The following PRKN variants were observed in gnomAD, a reference collection of about 807,000 sequenced individuals.
PRKN encodes the protein E3 ubiquitin-protein ligase parkin.
A neutral mutation model predicts 59.5 loss-of-function variants in PRKN; 56 were observed. That is an observed-to-expected ratio of 0.94 (90% CI 0.76 to 1.18). PRKN has a LOEUF of 1.18. Among genes scored for constraint, PRKN ranks in the 50% most tolerant of loss-of-function variants. The pLI, the probability that PRKN is intolerant of heterozygous loss-of-function variation, is 0.00. For synonymous variants in PRKN, 250 were observed against 222.1 expected (o/e 1.13, Z -1.12); for missense variants, 657 against 596.4 (o/e 1.10, Z -1.06).
chr6:161,500,864 G>GT (rs373088841), intron 9 of PRKN, among the ~76,000 whole-genome samples: 44 of 132,518 alleles, frequency 3.3e-4, no homozygotes, highest in East Asian at 4.3e-4. Context: ...GTTTAGTTTA[G>GT]TTTTTTTTTT....
intron 3 of PRKN, among the ~76,000 whole-genome samples, chr6:162,247,898 G>A (rs180874881): frequency 6.3e-4 from 96 of 152,190 alleles, no homozygotes; most frequent in Non-Finnish European, 1.2e-3. Context: ...AGGCACCTAG[G>A]ATTTTATTAT....
intron 4 of PRKN, among the ~76,000 whole-genome samples, chr6:162,158,557 G>C (rs1393791082): frequency 6.6e-6 from 1 of 151,808 alleles, no homozygotes; most frequent in East Asian, 1.9e-4. Context: ...TCATCCTCCA[G>C]AGTAGCTGGG....
chr6:162,532,168 C>CAAATAATACAA (rs1778541253), intron 1 of PRKN, among the ~76,000 whole-genome samples: 4 of 53,782 alleles, frequency 7.4e-5, no homozygotes, highest in South Asian at 6.8e-4. Flanking sequence ...CTCCTCTCTC[C>CAAATAATACAA]AGATAGCACA....
intron 6 of PRKN, among the ~76,000 whole-genome samples, chr6:161,947,106 A>T (rs1779811008): frequency 6.6e-6 from 1 of 152,156 alleles, no homozygotes; most frequent in African/African-American, 2.4e-5. Flanking sequence ...TTATGTGTAG[A>T]TGTATGTATA....
intron 2 of PRKN, among the ~76,000 whole-genome samples, chr6:162,382,916 TCTCA>T (rs1786571556): frequency 6.6e-6 from 1 of 152,218 alleles, no homozygotes; most frequent in African/African-American, 2.4e-5. Flanking sequence ...GCACATTCCA[TCTCA>T]ATAAACTGCT....
At chr6:162,022,581 C>T (rs1191103128) in intron 5 of PRKN, among the ~76,000 whole-genome samples, 2 of 152,096 alleles carry the variant, frequency 1.3e-5, no homozygotes, top group African/African-American at 2.4e-5. Context: ...AGTCTTTTAT[C>T]CAATGCATAC....
In PRKN at chr6:161,544,745, A is replaced by G. The variant is rs987033536; in HGVS notation, c.1083+4109T>C. 3.3e-5 allele frequency among the ~76,000 whole-genome samples: 5 copies of G among 152,222 alleles called. No individual in the cohort carries two copies. The highest frequency in any genetic ancestry group is 5.9e-5 in the Non-Finnish European group (4 of 68,034). On this transcript the variant is annotated intron_variant, in intron 9 of 11. Coordinates refer to ENST00000366898, the MANE Select transcript of PRKN (RefSeq NM_004562.3). This position sits in a 1 kb window ranked among gnomAD's most constrained non-coding sequence, Gnocchi z 5.5. Reference sequence around the variant, plus strand: ...TCAGGCCTTTCCTAGGTGGACTGACATCATCACTTAAATGGAAATCCCTGT... The same window carrying G: ...TCAGGCCTTTCCTAGGTGGACTGACGTCATCACTTAAATGGAAATCCCTGT...
At chr6:161,681,873 G>A (rs886566866) in intron 7 of PRKN, among the ~76,000 whole-genome samples, 3 of 152,360 alleles carry the variant, frequency 2.0e-5, no homozygotes, top group Non-Finnish European at 2.9e-5. Context: ...AGGGCATAGA[G>A]CCCTTTGTAC....
intron 5 of PRKN, among the ~76,000 whole-genome samples, chr6:162,000,382 A>C (rs1782007063): frequency 6.6e-6 from 1 of 151,942 alleles, no homozygotes; most frequent in Admixed American, 6.6e-5. Context: ...TGTTTTTTTA[A>C]ATTTTAATTT....
chr6:162,139,694 A>G (rs1268553874), intron 4 of PRKN, among the ~76,000 whole-genome samples: 1 of 152,198 alleles, frequency 6.6e-6, no homozygotes, highest in Admixed American at 6.5e-5. Flanking sequence ...CATAAAGCAG[A>G]AACGTACATC....
intron 1 of PRKN, among the ~76,000 whole-genome samples, 200 bp downstream of exon 1, chr6:162,727,462 C>A (rs958213340): frequency 6.6e-6 from 1 of 151,984 alleles, no homozygotes; most frequent in Non-Finnish European, 1.5e-5. Flanking sequence ...CAGGCGAGGG[C>A]TTCGAACGCA....
chr6:162,494,398 C>T (rs1442704898), intron 1 of PRKN, among the ~76,000 whole-genome samples: 3 of 151,494 alleles, frequency 2.0e-5, no homozygotes, highest in Non-Finnish European at 4.4e-5. Context: ...GAGGCAACAA[C>T]AGTGACACAA....
chr6:161,881,194 C>A (rs924610826), intron 6 of PRKN, among the ~76,000 whole-genome samples: 9 of 152,150 alleles, frequency 5.9e-5, no homozygotes, highest in African/African-American at 2.2e-4. Flanking sequence ...TGGAGGGACA[C>A]ATGTCATCCT....
Position 162,268,997 on chromosome 6 carries a change from C to T in PRKN, c.172-6232G>A, listed in dbSNP as rs1780255528. ...GTCCAGTGTGATTTTAAAGAGGAAACAAAACAAAACAAACAAAAAGGATGA... is the reference window on the plus strand; with the variant it reads ...GTCCAGTGTGATTTTAAAGAGGAAATAAAACAAAACAAACAAAAAGGATGA... On this transcript the variant is annotated intron_variant, in intron 2 of 11. Coordinates refer to ENST00000366898, the MANE Select transcript of PRKN (RefSeq NM_004562.3). Among the ~76,000 whole-genome samples, 3 of 117,496 alleles carry T rather than the reference C, an allele frequency of 2.6e-5. No homozygotes were observed. In the South Asian group the frequency reaches 8.6e-4, roughly 34 times the overall value. The allele number at this position is 117,496 out of a possible 152,430, so 77.1% of individuals were successfully genotyped here.
chr6:162,298,587 C>T (rs1781791578), intron 2 of PRKN, among the ~76,000 whole-genome samples: 1 of 151,764 alleles, frequency 6.6e-6, no homozygotes, highest in Admixed American at 6.6e-5. Flanking sequence ...GACATATGCT[C>T]TCTAATTTAG....
At chr6:161,650,322 C>T (rs77113800) in intron 7 of PRKN, among the ~76,000 whole-genome samples, 35 of 152,176 alleles carry the variant, frequency 2.3e-4, no homozygotes, top group African/African-American at 3.9e-4. Flanking sequence ...TGCTTTGTTA[C>T]GATAAGGAAT....
At chr6:161,671,319 T>G (rs1196406291) in intron 7 of PRKN, among the ~76,000 whole-genome samples, 2 of 152,132 alleles carry the variant, frequency 1.3e-5, no homozygotes, top group Non-Finnish European at 2.9e-5. Flanking sequence ...AGGAACCTCA[T>G]GTCATGGTAA....
At chr6:162,473,504 C>T (rs1234083641) in intron 1 of PRKN, among the ~76,000 whole-genome samples, 3 of 152,006 alleles carry the variant, frequency 2.0e-5, no homozygotes, top group South Asian at 4.2e-4. Context: ...GTAAAGCCAC[C>T]GATGTGGGCC....
chr6:162,248,507 T>C (rs1779293170), intron 3 of PRKN, among the ~76,000 whole-genome samples: 1 of 152,140 alleles, frequency 6.6e-6, no homozygotes, highest in South Asian at 2.1e-4. Flanking sequence ...CGTATACTCC[T>C]GTTTCCAGAC....
Sources: allele counts gnomAD v4.1 joint callset (sites outside exome capture counted in the v4.1 genomes callset), GRCh38; gene constraint gnomAD v4.1.1; non-coding constraint Gnocchi (gnomAD v3.1); transcripts MANE v1.5; gene names NCBI Gene and HGNC (gene_info 2026-07-23, HGNC 2026-07-21).